Variants in FBN2 observed in about 807,000 individuals in gnomAD.
FBN2 encodes the protein fibrillin-2.
FBN2 carries 105 observed loss-of-function variants against 355.6 expected under a neutral mutation model. The observed-to-expected ratio is 0.30, with a 90% CI of 0.25 to 0.35. The LOEUF is 0.35. FBN2 is among the 10% of genes least tolerant of loss of function. FBN2 has a pLI of 1.00. For missense variants in FBN2, 3,280 were observed against 3,758.7 expected (o/e 0.87, Z 3.33); for synonymous variants, 1,350 against 1,301.2 (o/e 1.04, Z -0.81).
chr5:128,340,634 AC>A (rs1345708213), intron 25 of FBN2, among the ~76,000 whole-genome samples: 32 of 152,164 alleles, frequency 2.1e-4, no homozygotes, highest in Admixed American at 2.1e-3. Context: ...AGAACCAGAT[AC>A]CTGGCTACAA....
intron 8 of FBN2, among the ~76,000 whole-genome samples, chr5:128,404,797 TATTTC>T (rs1752884763): frequency 6.6e-6 from 1 of 152,180 alleles, no homozygotes; most frequent in African/African-American, 2.4e-5. Flanking sequence ...AATGAAAACA[TATTTC>T]ATTTCATTTC....
At chr5:128,301,050 G>A in intron 47 of FBN2, 114 bp from the exon 48 acceptor site, 2 of 924,488 alleles carry the variant, frequency 2.2e-6, no homozygotes, top group Non-Finnish European at 3.4e-6. Flanking sequence ...CTGATCTACT[G>A]GGTCACCATG....
intron 5 of FBN2, among the ~76,000 whole-genome samples, chr5:128,474,880 T>C (rs989328113): frequency 6.6e-6 from 1 of 152,236 alleles, no homozygotes; most frequent in African/African-American, 2.4e-5. Context: ...TTGTCGTTAC[T>C]TGAGAATTCT....
At chr5:128,427,461 A>AG (rs1753511709) in intron 7 of FBN2, among the ~76,000 whole-genome samples, 1 of 152,154 alleles carries the variant, frequency 6.6e-6, no homozygotes, top group African/African-American at 2.4e-5. Flanking sequence ...CCTCAGACCA[A>AG]GGGGAACTGA....
chr5:128,339,270 G>A lies in FBN2; in HGVS notation c.3344-209C>T, dbSNP rs1750933808. The A allele has an allele frequency of 5.5e-6, 3 of 546,260 alleles. No individual in the cohort carries two copies. In the South Asian group the frequency reaches 5.9e-5, roughly 11 times the overall value. 33.8% of individuals were successfully genotyped at this position (546,260 alleles called of 1,614,324 possible). A position where few individuals can be genotyped will look rare whatever the true frequency, so the allele number is the denominator to read the frequency against. On this transcript the variant is annotated intron_variant, in intron 25 of 64. Coordinates refer to ENST00000262464, the MANE Select transcript of FBN2 (RefSeq NM_001999.4). ...ACTGCCATGCCAACAGGCAAGTGGT[G>A]CCTTTTCACCTTTAAAAATTCTGAA...
chr5:128,288,426 A>G lies in FBN2; in HGVS notation c.6757+12T>C. On this transcript the variant is annotated intron_variant, in intron 53 of 64. Coordinates refer to ENST00000262464, the MANE Select transcript of FBN2 (RefSeq NM_001999.4). ...TCAAGAAGAAATAATATTTAAGACA[A>G]AGATCACTTGCCTTCACAATTCATC... The G allele has an allele frequency of 6.2e-7, 1 of 1,613,698 alleles. No individual in the cohort carries two copies. Among genetic ancestry groups the G allele is most frequent in the Non-Finnish European group, 8.5e-7 (1 of 1,179,732 alleles).
At chr5:128,383,722 A>C (rs1752295590) in intron 11 of FBN2, among the ~76,000 whole-genome samples, 2 of 152,214 alleles carry the variant, frequency 1.3e-5, no homozygotes, top group South Asian at 2.1e-4. Context: ...TTTTATGTGA[A>C]TCATTAGAGA....
At chr5:128,483,891 G>C (rs1284439663) in intron 5 of FBN2, among the ~76,000 whole-genome samples, 2 of 152,174 alleles carry the variant, frequency 1.3e-5, no homozygotes, top group Admixed American at 1.3e-4. Flanking sequence ...GTTGCCAGTA[G>C]AGACTACTTA....
chr5:128,475,028 T>C (rs1244269650), intron 5 of FBN2, among the ~76,000 whole-genome samples: 1 of 152,290 alleles, frequency 6.6e-6, no homozygotes, highest in South Asian at 2.1e-4. Context: ...AGAACAGTGA[T>C]AATCAAGTGA....
chr5:128,313,846 CT>C (rs1488537446), intron 36 of FBN2, among the ~76,000 whole-genome samples: 3 of 95,386 alleles, frequency 3.1e-5, no homozygotes, highest in Non-Finnish European at 5.7e-5. Context: ...GAGCGAGACT[CT>C]GTCTCAAAAA....
chr5:128,291,535 A>T lies in FBN2; in HGVS notation c.6286T>A (p.Cys2096Ser). The T allele has an allele frequency of 1.2e-6, 2 of 1,613,978 alleles. No individual in the cohort carries two copies. Among genetic ancestry groups the T allele is most frequent in the Non-Finnish European group, 1.7e-6 (2 of 1,179,882 alleles). ...AAGTCATGCCAAATCTTACCAAAGC[A>T]TCTCCGTCCATTATCAGATAGTACA... ...GFVLSDNGRR[C>S]FDTRQSFCFT... Residue 2096 changes from cysteine to serine, a missense_variant, in exon 49 of 65, where the codon TGC becomes AGC. Physicochemically the swap from Cys to Ser is moderately radical, Grantham distance 112 (BLOSUM62 -1). Around this residue, in one of 6 missense-constraint regions of FBN2, gnomAD observed 2,284 missense variants for 2,749.5 expected, o/e 0.83. Coordinates refer to ENST00000262464, the MANE Select transcript of FBN2 (RefSeq NM_001999.4).
chr5:128,351,575 G>T (rs1483922091), intron 20 of FBN2, among the ~76,000 whole-genome samples: 2 of 151,662 alleles, frequency 1.3e-5, no homozygotes, highest in African/African-American at 4.8e-5. Flanking sequence ...AATTTTAATA[G>T]CATATACTTT....
intron 5 of FBN2, among the ~76,000 whole-genome samples, chr5:128,484,414 A>G (rs1048558801): frequency 1.3e-5 from 2 of 152,238 alleles, no homozygotes; most frequent in African/African-American, 4.8e-5. Context: ...AGAAATATAT[A>G]TATTTGCCAT....
chr5:128,288,664 G>T, intron 52 of FBN2, 107 bp from the exon 53 acceptor site: 1 of 1,292,428 alleles, frequency 7.7e-7, no homozygotes, highest in Non-Finnish European at 1.1e-6. Flanking sequence ...TCTGAGAAGG[G>T]CACATGTAAC....
intron 34 of FBN2, among the ~76,000 whole-genome samples, chr5:128,324,788 T>A (rs1750499677): frequency 1.3e-5 from 2 of 151,962 alleles, no homozygotes; most frequent in Non-Finnish European, 2.9e-5. Flanking sequence ...CGGCTAACTT[T>A]TTTTGTATTT....
intron 7 of FBN2, among the ~76,000 whole-genome samples, chr5:128,425,016 CTTT>C (rs11325028): frequency 6.9e-6 from 1 of 143,982 alleles, no homozygotes. Context: ...TTTCCTTTTC[CTTT>C]TTTTTTTTTT....
chr5:128,306,022 T>C, intron 42 of FBN2, 74 bp from the exon 43 acceptor site: 2 of 1,379,532 alleles, frequency 1.4e-6, no homozygotes, highest in South Asian at 2.3e-5. Context: ...TGAATAATGC[T>C]ACATGTACCC....
intron 8 of FBN2, among the ~76,000 whole-genome samples, chr5:128,404,485 TATGAGCATC>T (rs1237928224): frequency 3.3e-5 from 5 of 152,212 alleles, no homozygotes; most frequent in African/African-American, 1.2e-4. Flanking sequence ...GCTCTTGCTT[TATGAGCATC>T]CAGGACCGTA....
At chr5:128,444,005 A>AT (rs1222774728) in intron 7 of FBN2, among the ~76,000 whole-genome samples, 1 of 149,544 alleles carries the variant, frequency 6.7e-6, no homozygotes, top group Non-Finnish European at 1.5e-5. Context: ...CAGATATATT[A>AT]TACTACTGAT....
Sources: allele counts gnomAD v4.1 joint callset (sites outside exome capture counted in the v4.1 genomes callset), GRCh38; gene constraint gnomAD v4.1.1; regional missense constraint gnomAD v4.1.1; transcripts MANE v1.5; gene names NCBI Gene and HGNC (gene_info 2026-07-23, HGNC 2026-07-21).